GRAMD4: variants seen among roughly 807,000 people sequenced by gnomAD.
GRAMD4 encodes GRAM domain-containing protein 4.
In GRAMD4, 25 loss-of-function variants were observed where a neutral mutation model predicts 83.9. The observed-to-expected ratio is 0.30, with a 90% CI of 0.22 to 0.42. The LOEUF is 0.42. Among genes scored for constraint, GRAMD4 ranks in the 10% least tolerant of loss-of-function variants. The pLI is 1.00. For synonymous variants in GRAMD4, 336 were observed against 320.9 expected (o/e 1.05, Z -0.50); for missense variants, 593 against 788.7 (o/e 0.75, Z 2.97).
chr22:46,661,531 G>A (rs923267533), intron 5 of GRAMD4, 89 bp downstream of exon 5: 2 of 916,646 alleles, frequency 2.2e-6, no homozygotes, highest in African/African-American at 1.6e-5. Context: ...GTTAACAATG[G>A]AGCAGATACC....
At chr22:46,668,467 G>GC (rs2082446186) in intron 11 of GRAMD4, among the ~76,000 whole-genome samples, 1 of 152,154 alleles carries the variant, frequency 6.6e-6, no homozygotes, top group East Asian at 1.9e-4. Flanking sequence ...AGGGTTGAAC[G>GC]CCCCTGGGAA....
chr22:46,611,776 G>A (rs2147093122), intron 1 of GRAMD4, among the ~76,000 whole-genome samples: 1 of 151,564 alleles, frequency 6.6e-6, no homozygotes, highest in Admixed American at 6.6e-5. Context: ...GGATCACGAG[G>A]TCAGGAGATC....
In GRAMD4 at chr22:46,664,658, C is replaced by T. The variant is rs140781303; in HGVS notation, c.717+541C>T. On this transcript the variant is annotated intron_variant, in intron 8 of 18. Coordinates refer to ENST00000406902, the MANE Select transcript of GRAMD4 (RefSeq NM_015124.5). ...CCCAGCGGGACAGGAGACTTGCCAC[C>T]TGTGTCTCAGTACTTGGTCCTCGGG... Among the ~76,000 whole-genome samples, 201 of 152,364 alleles carry T rather than the reference C, an allele frequency of 1.3e-3. 1 individual carries two copies. Among genetic ancestry groups the T allele is most frequent in the African/African-American group, 4.4e-3 (185 of 41,598 alleles).
intron 2 of GRAMD4, among the ~76,000 whole-genome samples, chr22:46,629,949 G>A (rs2081741300): frequency 6.6e-6 from 1 of 152,160 alleles, no homozygotes. Context: ...CATCCATGCT[G>A]CGGTGTGCAT....
At position 46,679,293 on chromosome 22, in the gene GRAMD4, C is replaced by T. The variant is rs544274765; in HGVS notation, c.*2042C>T. ...TTTACCAGCGTCGGGTGGTTTAGTT[C>T]GAGTCCCTTTTGTGGAGAAAGGGAG... On this transcript the variant is annotated 3_prime_UTR_variant, in exon 19 of 19. Transcript: ENST00000406902. 113 of 985,388 alleles carry T rather than the reference C, an allele frequency of 1.1e-4. No individual in the cohort carries two copies. In the African/African-American group the frequency reaches 1.6e-3, roughly 14 times the overall value. The allele number at this position is 985,388 out of a possible 1,614,324, so 61.0% of individuals were successfully genotyped here.
At chr22:46,594,431 G>C (rs919484312) in intron 1 of GRAMD4, among the ~76,000 whole-genome samples, 1 of 152,158 alleles carries the variant, frequency 6.6e-6, no homozygotes, top group Non-Finnish European at 1.5e-5. Context: ...GGGTGTGAGG[G>C]GCCAGGTGTG....
At chr22:46,577,407 C>CGCCGCCGCT in intron 1 of GRAMD4, 1 of 486,382 alleles carries the variant, frequency 2.1e-6, no homozygotes, top group Non-Finnish European at 2.7e-6. Flanking sequence ...CCGCCGCCGC[C>CGCCGCCGCT]GCCGCCGCCC....
chr22:46,680,543 T>TGTCCGTCCGTCC (rs531762294), downstream of GRAMD4, among the ~76,000 whole-genome samples: 123 of 70,568 alleles, frequency 1.7e-3, 4 homozygotes, highest in African/African-American at 6.4e-3. Flanking sequence ...CATCCACATC[T>TGTCCGTCCGTCC]GTCCGTCCGT....
chr22:46,664,212 C>T, intron 8 of GRAMD4, 95 bp downstream of exon 8: 3 of 869,224 alleles, frequency 3.5e-6, no homozygotes, highest in Non-Finnish European at 5.9e-6. Context: ...GGGAGGTGGC[C>T]CCCAGGTGGC....
rs954567111 is a variant in GRAMD4, at chr22:46,659,052, G to A, written c.404+745G>A. Among the ~76,000 whole-genome samples the A allele has an allele frequency of 6.6e-6, 1 of 152,142 alleles. No individual in the cohort carries two copies. The highest frequency in any genetic ancestry group is 2.4e-5 in the African/African-American group (1 of 41,412). ...CCTCCTGTCTCGCTAACACCACGAGGCTCCGTGTCCCTCTGCACAAGTTCA... is the reference window on the plus strand; with the variant it reads ...CCTCCTGTCTCGCTAACACCACGAGACTCCGTGTCCCTCTGCACAAGTTCA... On this transcript the variant is annotated intron_variant, in intron 4 of 18. Transcript: ENST00000406902. This position sits in a 1 kb window ranked among gnomAD's most constrained non-coding sequence, Gnocchi z 4.1.
intron 15 of GRAMD4, 104 bp downstream of exon 15, chr22:46,673,918 A>G: frequency 7.9e-7 from 1 of 1,259,008 alleles, no homozygotes. Context: ...GTGACAGGCC[A>G]GAGGAGCCCT....
intron 16 of GRAMD4, 138 bp downstream of exon 16, chr22:46,674,888 C>T (rs1416496319): frequency 2.0e-5 from 14 of 685,842 alleles, no homozygotes; most frequent in East Asian, 5.4e-5. Context: ...CTGCTCTTGC[C>T]GGCTGTCTGG....
At chr22:46,585,031 G>A (rs1479740572) in intron 1 of GRAMD4, among the ~76,000 whole-genome samples, 2 of 152,190 alleles carry the variant, frequency 1.3e-5, no homozygotes, top group Non-Finnish European at 2.9e-5. Context: ...CATCTGCTGG[G>A]CTTTCTGTTA....
chr22:46,610,431 G>C (rs2081406055), intron 1 of GRAMD4, among the ~76,000 whole-genome samples: 1 of 152,238 alleles, frequency 6.6e-6, no homozygotes, highest in Admixed American at 6.5e-5. Flanking sequence ...AATGGTGTCT[G>C]ATTTGTACAC....
intron 3 of GRAMD4, among the ~76,000 whole-genome samples, chr22:46,638,994 C>T (rs1209327178): frequency 6.6e-6 from 1 of 152,206 alleles, no homozygotes; most frequent in Non-Finnish European, 1.5e-5. Flanking sequence ...CTCAAGGGTC[C>T]AAGGCCTGTC....
rs534852715 is a variant in GRAMD4, at chr22:46,677,629, C to T, written c.*378C>T. On this transcript the variant is annotated 3_prime_UTR_variant, in exon 19 of 19. Transcript: ENST00000406902. ...CCAAGAGGTTCTCGCAACCTTGTGT[C>T]CCGCTCTCCAGAGGCCAGAAGCTCG... 2.0e-6 allele frequency: 2 copies of T among 1,009,600 alleles called. No individual in the cohort carries two copies. Among genetic ancestry groups the T allele is most frequent in the South Asian group, 8.8e-5 (2 of 22,694 alleles). 62.5% of individuals were successfully genotyped at this position (1,009,600 alleles called of 1,614,324 possible).
At chr22:46,582,459 G>A (rs1437159569) in intron 1 of GRAMD4, among the ~76,000 whole-genome samples, 1 of 152,154 alleles carries the variant, frequency 6.6e-6, no homozygotes, top group East Asian at 1.9e-4. Context: ...CCCCAGCTGT[G>A]CCTCTGCTGT....
intron 1 of GRAMD4, among the ~76,000 whole-genome samples, chr22:46,588,423 C>G (rs1038652708): frequency 6.6e-6 from 1 of 152,186 alleles, no homozygotes; most frequent in African/African-American, 2.4e-5. Context: ...GCAGACCCGG[C>G]TGGCTTGTTG....
intron 1 of GRAMD4, among the ~76,000 whole-genome samples, chr22:46,599,820 G>C (rs528549452): frequency 6.6e-6 from 1 of 152,108 alleles, no homozygotes; most frequent in East Asian, 1.9e-4. Flanking sequence ...GGTCGCCGTC[G>C]CTGGAGCAAA....
Sources: allele counts gnomAD v4.1 joint callset (sites outside exome capture counted in the v4.1 genomes callset), GRCh38; gene constraint gnomAD v4.1.1; non-coding constraint Gnocchi (gnomAD v3.1); transcripts MANE v1.5; gene names NCBI Gene and HGNC (gene_info 2026-07-23, HGNC 2026-07-21).